The following PCDH11X variants were observed in gnomAD, a reference collection of about 807,000 sequenced individuals.
PCDH11X encodes the protein protocadherin 11 X-linked.
A neutral mutation model predicts 53.3 loss-of-function variants in PCDH11X; 18 were observed. The observed-to-expected ratio is 0.34, with a 90% CI of 0.23 to 0.50. The LOEUF (loss-of-function observed/expected upper bound fraction) is 0.50. Among genes scored for constraint, PCDH11X ranks in the 20% least tolerant of loss-of-function variants. PCDH11X has a pLI of 0.98. For missense variants in PCDH11X, 570 were observed against 1,032.4 expected (o/e 0.55, Z 6.14); for synonymous variants, 279 against 393.3 (o/e 0.71, Z 3.44).
rs1180054949 is a variant in PCDH11X at position 92,621,267 on chromosome X, A to T, written c.*2327A>T. 1 of 106,848 alleles carries T rather than the reference A, an allele frequency of 9.4e-6. No homozygotes were observed. Among genetic ancestry groups the T allele is most frequent in the Non-Finnish European group, 1.9e-5 (1 of 51,951 alleles). 8.8% of individuals were successfully genotyped at this position (106,848 alleles called of 1,213,427 possible). ...TGTTAGTGAAAATCAAATAGGACTC[A>T]AAGTTGGATATTTGGGATTTTTCTT... is the stretch of plus-strand genomic sequence containing the variant. On this transcript the variant is annotated 3_prime_UTR_variant, in exon 11 of 11. Coordinates refer to ENST00000682573, the MANE Select transcript of PCDH11X (RefSeq NM_032968.5).
At chrX:92,239,801 C>T (rs1365653775) in intron 7 of PCDH11X, among the ~76,000 whole-genome samples, 3 of 111,513 alleles carry the variant, frequency 2.7e-5, no homozygotes, top group Non-Finnish European at 5.7e-5. Context: ...ATGAATTATG[C>T]CTAAGATTGG....
At chrX:92,225,838 G>A (rs1227561619) in intron 7 of PCDH11X, among the ~76,000 whole-genome samples, 2 of 111,731 alleles carry the variant, frequency 1.8e-5, no homozygotes, top group East Asian at 2.8e-4. Flanking sequence ...TTTAAGCAAA[G>A]TATGTCCTAA....
intron 10 of PCDH11X, among the ~76,000 whole-genome samples, chrX:92,569,516 G>T (rs1921930418): frequency 9.1e-6 from 1 of 109,926 alleles, no homozygotes; most frequent in African/African-American, 3.3e-5. Flanking sequence ...AATCACGCAG[G>T]TATAATCATT....
At chrX:92,354,777 C>G (rs2070150178) in intron 8 of PCDH11X, among the ~76,000 whole-genome samples, 1 of 111,080 alleles carries the variant, frequency 9.0e-6, no homozygotes, top group Non-Finnish European at 1.9e-5. Flanking sequence ...TGAAGTTATA[C>G]TAAAGGCACA....
intron 1 of PCDH11X, among the ~76,000 whole-genome samples, chrX:91,798,538 G>A (rs1219732339): frequency 9.2e-6 from 1 of 108,407 alleles, no homozygotes. Context: ...GCAGTGAGCC[G>A]AGATTGTGCC....
chrX:92,528,227 A>T (rs1424247486), intron 10 of PCDH11X, among the ~76,000 whole-genome samples: 2 of 112,742 alleles, frequency 1.8e-5, no homozygotes, highest in Non-Finnish European at 3.7e-5. Flanking sequence ...TCACACACAC[A>T]TATACAGACA....
At chrX:91,978,484 G>A (rs1469017756) in intron 6 of PCDH11X, among the ~76,000 whole-genome samples, 1 of 108,346 alleles carries the variant, frequency 9.2e-6, no homozygotes, top group African/African-American at 3.4e-5. Context: ...TGCTGTACAG[G>A]AAGCTCTGTG....
At chrX:92,269,249 G>T (rs1440504716) in intron 8 of PCDH11X, among the ~76,000 whole-genome samples, 2 of 111,251 alleles carry the variant, frequency 1.8e-5, no homozygotes, top group Admixed American at 1.9e-4. Context: ...TCTCTGTTTG[G>T]AGTGCCAGTT....
rs943327830 is a variant in PCDH11X at position 92,530,583 on chromosome X, G to A, written c.3367+62261G>A. ...TTACAGTAATTCTTCACAATAGTTC[G>A]GTGCTTGAAGAATGAGATGGCAGAC... On this transcript the variant is annotated intron_variant, in intron 10 of 10. Transcript: ENST00000682573. Among the ~76,000 whole-genome samples, 5 of 111,930 alleles carry A rather than the reference G, an allele frequency of 4.5e-5. No individual in the cohort carries two copies. In the East Asian group the frequency reaches 1.1e-3, roughly 25 times the overall value.
At chrX:92,164,586 T>C (rs1416772130) in intron 6 of PCDH11X, among the ~76,000 whole-genome samples, 1 of 111,760 alleles carries the variant, frequency 8.9e-6, no homozygotes, top group Non-Finnish European at 1.9e-5. Flanking sequence ...ACAAAGGCTA[T>C]TGCTTAAAAT....
chrX:92,167,235 ATCTTC>A lies in PCDH11X; in HGVS notation c.3034-34135_3034-34131del, dbSNP rs548006472. On this transcript the variant is annotated intron_variant, in intron 6 of 10. Coordinates refer to ENST00000682573, the MANE Select transcript of PCDH11X (RefSeq NM_032968.5). ...CTGGAAGTTATATTGCTGACAGGGAATCTTCTCTTAAGAACTTTAAAAATAGACAT... is the reference window on the plus strand; with the variant it reads ...CTGGAAGTTATATTGCTGACAGGGAATCTTAAGAACTTTAAAAATAGACAT... 2.7e-4 allele frequency among the ~76,000 whole-genome samples: 30 copies of A among 111,613 alleles called. No individual in the cohort carries two copies. In the South Asian group the frequency reaches 9.8e-3, roughly 36 times the overall value.
rs772911504 is a variant in PCDH11X at position 91,955,074 on chromosome X, T to C, written c.3033+75801T>C. Among the ~76,000 whole-genome samples, 4 of 111,779 alleles carry C rather than the reference T, an allele frequency of 3.6e-5. No homozygotes were observed. The East Asian group carries it at 1.1e-3, about 32-fold the overall frequency. On this transcript the variant is annotated intron_variant, in intron 6 of 10. Transcript: ENST00000682573. ...ACTGCCTAGATTTTCTTGTAGGGCT[T>C]GTATAGTTTTGGGTTTTATATTAAG...
At chrX:92,286,472 GA>G (rs2068376258) in intron 8 of PCDH11X, among the ~76,000 whole-genome samples, 1 of 100,018 alleles carries the variant, frequency 1.0e-5, no homozygotes, top group African/African-American at 3.8e-5. Context: ...AAAAAAAAAG[GA>G]AAGGAAAAGC....
chrX:92,256,895 T>C (rs1258152398), intron 7 of PCDH11X, among the ~76,000 whole-genome samples: 2 of 111,668 alleles, frequency 1.8e-5, no homozygotes, highest in East Asian at 5.7e-4. Context: ...ATGATCTCAG[T>C]CCTTTTTTTT....
intron 8 of PCDH11X, among the ~76,000 whole-genome samples, chrX:92,317,287 A>G (rs767451373): frequency 4.7e-5 from 5 of 107,093 alleles, no homozygotes; most frequent in African/African-American, 6.8e-5. Context: ...CTCTTTATCT[A>G]TAATATGTGT....
chrX:92,204,126 G>T (rs1375047660), intron 7 of PCDH11X, among the ~76,000 whole-genome samples: 1 of 111,547 alleles, frequency 9.0e-6, no homozygotes, highest in Non-Finnish European at 1.9e-5. Context: ...TCCCTCCTAG[G>T]TCTTGGTTCT....
intron 8 of PCDH11X, among the ~76,000 whole-genome samples, chrX:92,348,003 TTTCAG>T (rs2069944786): frequency 9.0e-6 from 1 of 111,573 alleles, no homozygotes; most frequent in African/African-American, 3.3e-5. Flanking sequence ...CAAGGGCTGA[TTTCAG>T]TCAGTGTCCT....
At chrX:91,906,172 C>A (rs1437313542) in intron 6 of PCDH11X, among the ~76,000 whole-genome samples, 2 of 111,900 alleles carry the variant, frequency 1.8e-5, no homozygotes, top group East Asian at 5.6e-4. Context: ...AAGGTAACAT[C>A]AACTTACTAC....
At chrX:92,083,966 T>C (rs1432379875) in intron 6 of PCDH11X, among the ~76,000 whole-genome samples, 1 of 109,253 alleles carries the variant, frequency 9.2e-6, no homozygotes, top group Admixed American at 9.9e-5. Flanking sequence ...TGCATGCCTG[T>C]AATCCCAGCT....
Sources: gnomAD v4.1 joint callset for allele counts (sites outside exome capture counted in the v4.1 genomes callset) on GRCh38, gnomAD v4.1.1 for gene constraint, MANE v1.5 for transcripts, NCBI Gene and HGNC (gene_info 2026-07-23, HGNC 2026-07-21) for gene names.